ABI2: variants seen among roughly 807,000 people sequenced by gnomAD.
ABI2 encodes abl interactor 2, also known as abelson interactor 2.
Under a neutral mutation model 59.2 loss-of-function variants are expected in ABI2, and 25 were observed. That is an observed-to-expected ratio of 0.42 (90% CI 0.31 to 0.59). The LOEUF is 0.59. ABI2 is among the 20% of genes least tolerant of loss of function. The probability of loss-of-function intolerance (pLI) is 0.14; values close to 1 mark genes in which losing one functional copy is unlikely to be tolerated. For missense variants in ABI2, 545 were observed against 681.8 expected (o/e 0.80, Z 2.23); for synonymous variants, 213 against 235.5 (o/e 0.90, Z 0.87).
intron 5 of ABI2, among the ~76,000 whole-genome samples, chr2:203,392,315 CA>C (rs778140160): frequency 0.34 from 36,383 of 106,886 alleles, 6,078 homozygotes; most frequent in African/African-American, 0.38. Flanking sequence ...CCACCACCAC[CA>C]ACAACAACAA....
intron 1 of ABI2, among the ~76,000 whole-genome samples, chr2:203,334,926 G>A (rs955027114): frequency 1.3e-5 from 2 of 152,182 alleles, no homozygotes; most frequent in Non-Finnish European, 2.9e-5. Context: ...CTCCCAAAGT[G>A]CTGGGATTAC....
intron 1 of ABI2, among the ~76,000 whole-genome samples, chr2:203,345,826 G>A (rs888198023): frequency 6.6e-6 from 1 of 151,786 alleles, no homozygotes; most frequent in Non-Finnish European, 1.5e-5. Context: ...GGTTACAGGC[G>A]TGAGGCACTG....
At chr2:203,373,509 G>T (rs888012991) in intron 2 of ABI2, among the ~76,000 whole-genome samples, 1 of 140,698 alleles carries the variant, frequency 7.1e-6, no homozygotes, top group African/African-American at 3.2e-5. Flanking sequence ...GAGAGGGAGC[G>T]GGAGAGGGAG....
At position 203,380,394 on chromosome 2, in the gene ABI2, A is replaced by AT; in HGVS notation, c.462+17dup. 4 of 1,504,806 alleles carry AT rather than the reference A, an allele frequency of 2.7e-6. No homozygotes were observed. Among genetic ancestry groups the AT allele is most frequent in the South Asian group, 2.7e-5 (2 of 74,118 alleles). 93.2% of individuals were successfully genotyped at this position (1,504,806 alleles called of 1,614,324 possible). Reference sequence around the variant, plus strand: ...TGGACATGGAGTAAAGGTAGGTATAATTTTTTTCAAGCTTTTAAAAGTAGT... The same window carrying AT: ...TGGACATGGAGTAAAGGTAGGTATAATTTTTTTTCAAGCTTTTAAAAGTAGT... On this transcript the variant is annotated intron_variant, in intron 3 of 11. Transcript: ENST00000261018.
chr2:203,349,876 G>A (rs2086569633), intron 1 of ABI2, among the ~76,000 whole-genome samples: 1 of 152,050 alleles, frequency 6.6e-6, no homozygotes, highest in South Asian at 2.1e-4. Context: ...AAGTTTTTGT[G>A]TGGGCATATG....
rs2097667237 is a variant in ABI2, at chr2:203,411,342, T to C, written c.1250T>C (p.Met417Thr). 1 of 1,613,668 alleles carries C rather than the reference T, an allele frequency of 6.2e-7. No homozygotes were observed. Among genetic ancestry groups the C allele is most frequent in the East Asian group, 2.2e-5 (1 of 44,824 alleles). The change falls in exon 10 of 12, where the codon ATG becomes ACG. Residue 417 changes from methionine (M) to threonine (T), a missense_variant. Transcript: ENST00000261018. ...CAGGTAACTCCTCAGTTACCTTTAATGGGATTTGTGGCCAGAGTCCAAGAA... is the reference window on the plus strand; with the variant it reads ...CAGGTAACTCCTCAGTTACCTTTAACGGGATTTGTGGCCAGAGTCCAAGAA... ...ILQVTPQLPL[M>T]GFVARVQENI...
intron 2 of ABI2, among the ~76,000 whole-genome samples, chr2:203,378,403 G>T (rs2095866210): frequency 6.6e-6 from 1 of 152,300 alleles, no homozygotes; most frequent in Admixed American, 6.5e-5. Flanking sequence ...GAGCCACCAT[G>T]CCTGGCTGAG....
At chr2:203,400,192 A>G (rs1403293568) in intron 8 of ABI2, among the ~76,000 whole-genome samples, 2 of 140,554 alleles carry the variant, frequency 1.4e-5, no homozygotes, top group African/African-American at 5.4e-5. Context: ...GATTCAAGTG[A>G]TTCTCCTGCC....
chr2:203,375,882 C>T (rs980433536), intron 2 of ABI2: 8 of 421,304 alleles, frequency 1.9e-5, no homozygotes, highest in Non-Finnish European at 3.3e-5. Context: ...ATTCAAACTC[C>T]AAATAGAACC....
At chr2:203,419,265 GCGCCCCGCTAATTTTTT>G (rs2098076467) in intron 11 of ABI2, among the ~76,000 whole-genome samples, 1 of 141,326 alleles carries the variant, frequency 7.1e-6, no homozygotes, top group Admixed American at 7.0e-5. Context: ...GCCCACCACC[GCGCCCCGCTAATTTTTT>G]TGTATTTTTA....
intron 11 of ABI2, among the ~76,000 whole-genome samples, chr2:203,420,396 CTTTTT>C (rs59111250): frequency 1.4e-5 from 2 of 140,512 alleles, no homozygotes; most frequent in Non-Finnish European, 3.1e-5. Flanking sequence ...GTGACAGTCC[CTTTTT>C]TTTTTTTTTT....
At chr2:203,388,759 G>A (rs948378376) in intron 4 of ABI2, among the ~76,000 whole-genome samples, 1 of 151,800 alleles carries the variant, frequency 6.6e-6, no homozygotes, top group African/African-American at 2.4e-5. Flanking sequence ...TTTTTTTGGT[G>A]GGGGGCGGGT....
At chr2:203,379,340 T>G (rs1165170755) in intron 2 of ABI2, among the ~76,000 whole-genome samples, 3 of 152,138 alleles carry the variant, frequency 2.0e-5, no homozygotes, top group African/African-American at 7.2e-5. Flanking sequence ...TTTGACCTCC[T>G]GGACTCAAGC....
intron 2 of ABI2, among the ~76,000 whole-genome samples, chr2:203,372,970 C>T (rs2153088369): frequency 6.6e-6 from 1 of 152,220 alleles, no homozygotes; most frequent in East Asian, 1.9e-4. Context: ...GCGCTCCTCA[C>T]TTTCCAGACT....
At chr2:203,384,836 CT>C (rs549355535) in intron 4 of ABI2, among the ~76,000 whole-genome samples, 12 of 133,438 alleles carry the variant, frequency 9.0e-5, no homozygotes, top group African/African-American at 3.3e-4. Context: ...TTTTTTTTTT[CT>C]TTTTTTCTTT....
intron 1 of ABI2, among the ~76,000 whole-genome samples, chr2:203,337,456 A>G (rs1220481426): frequency 6.6e-6 from 1 of 152,230 alleles, no homozygotes; most frequent in Non-Finnish European, 1.5e-5. Flanking sequence ...TCTGTACACT[A>G]AAAACTATAA....
chr2:203,350,324 G>T (rs1315438587), intron 1 of ABI2, among the ~76,000 whole-genome samples: 1 of 151,832 alleles, frequency 6.6e-6, no homozygotes, highest in Non-Finnish European at 1.5e-5. Context: ...TGATCCTCCC[G>T]CCTCGTGACC....
chr2:203,410,543 C>T (rs892323202), intron 9 of ABI2, among the ~76,000 whole-genome samples: 6 of 152,112 alleles, frequency 3.9e-5, no homozygotes, highest in African/African-American at 1.4e-4. Flanking sequence ...GGGAAATACA[C>T]CTTGGGAAGG....
chr2:203,395,228 A>C, intron 6 of ABI2: 1 of 576,196 alleles, frequency 1.7e-6, no homozygotes, highest in East Asian at 2.9e-5. Flanking sequence ...AAATTACTCA[A>C]ATCTGTTTAG....
Sources: gnomAD v4.1 joint callset for allele counts (sites outside exome capture counted in the v4.1 genomes callset) on GRCh38, gnomAD v4.1.1 for gene constraint, MANE v1.5 for transcripts, NCBI Gene and HGNC (gene_info 2026-07-23, HGNC 2026-07-21) for gene names.